The following CAMK1D variants were observed in gnomAD, a reference collection of about 807,000 sequenced individuals.
The protein encoded by CAMK1D is calcium/calmodulin dependent protein kinase ID.
CAMK1D carries 9 observed loss-of-function variants against 47.7 expected under a neutral mutation model. The ratio of observed to expected loss-of-function variants is 0.19; its 90% CI spans 0.11 to 0.33. CAMK1D has a LOEUF of 0.33. Ranked by LOEUF, CAMK1D falls within the 10% of genes least tolerant of loss-of-function variation. The pLI is 1.00. For missense variants in CAMK1D, 291 were observed against 488.7 expected (o/e 0.60, Z 3.81); for synonymous variants, 184 against 184.9 (o/e 0.99, Z 0.04).
At chr10:12,433,585 G>A (rs1832548298) in intron 1 of CAMK1D, among the ~76,000 whole-genome samples, 1 of 152,204 alleles carries the variant, frequency 6.6e-6, no homozygotes, top group African/African-American at 2.4e-5. Context: ...TTTGCCTCAT[G>A]TAAGGGGTCT....
chr10:12,817,730 A>C (rs1479805446), intron 8 of CAMK1D, among the ~76,000 whole-genome samples: 1 of 152,070 alleles, frequency 6.6e-6, no homozygotes, highest in African/African-American at 2.4e-5. Flanking sequence ...AGTCTCCGTC[A>C]CCCAGGCTGG....
At chr10:12,751,195 G>A (rs1835966991) in intron 3 of CAMK1D, among the ~76,000 whole-genome samples, 1 of 152,116 alleles carries the variant, frequency 6.6e-6, no homozygotes, top group Non-Finnish European at 1.5e-5. Flanking sequence ...GCTGCTTAAG[G>A]TCACCATACC....
intron 2 of CAMK1D, among the ~76,000 whole-genome samples, chr10:12,606,392 T>C (rs1431848857): frequency 6.6e-6 from 1 of 152,202 alleles, no homozygotes; most frequent in Non-Finnish European, 1.5e-5. Flanking sequence ...CCCATTTGGC[T>C]GAGCTGGTAC....
intron 1 of CAMK1D, among the ~76,000 whole-genome samples, chr10:12,355,066 C>T (rs755658130): frequency 2.6e-5 from 4 of 151,710 alleles, no homozygotes; most frequent in Non-Finnish European, 4.4e-5. Context: ...TGGTCTCAAA[C>T]TCCTGGCCTC....
chr10:12,740,819 C>T (rs1475641729), intron 3 of CAMK1D, among the ~76,000 whole-genome samples: 1 of 152,086 alleles, frequency 6.6e-6, no homozygotes, highest in African/African-American at 2.4e-5. Flanking sequence ...CTGAGTTGAA[C>T]CTAGCATAAC....
At chr10:12,466,191 A>T (rs1833584223) in intron 1 of CAMK1D, among the ~76,000 whole-genome samples, 1 of 152,042 alleles carries the variant, frequency 6.6e-6, no homozygotes. Context: ...GCAGATCACG[A>T]GGTCAGGAGA....
chr10:12,526,897 CA>C (rs202209844), intron 1 of CAMK1D, among the ~76,000 whole-genome samples: 21 of 129,776 alleles, frequency 1.6e-4, no homozygotes, highest in Admixed American at 2.3e-4. Flanking sequence ...AACCCTATCT[CA>C]AAAAAAAAAA....
intron 3 of CAMK1D, among the ~76,000 whole-genome samples, chr10:12,724,032 A>G (rs1405367218): frequency 6.6e-6 from 1 of 152,168 alleles, no homozygotes; most frequent in Non-Finnish European, 1.5e-5. Flanking sequence ...TCTGTCGCAC[A>G]GGCTGGAGTG....
intron 2 of CAMK1D, among the ~76,000 whole-genome samples, chr10:12,576,461 T>TA (rs1444800315): frequency 3.3e-5 from 5 of 152,144 alleles, no homozygotes; most frequent in Admixed American, 6.5e-5. Flanking sequence ...TGTACTTTAT[T>TA]TTTATTATTA....
At chr10:12,464,852 A>G (rs1267703273) in intron 1 of CAMK1D, among the ~76,000 whole-genome samples, 2 of 152,084 alleles carry the variant, frequency 1.3e-5, no homozygotes, top group Non-Finnish European at 2.9e-5. Context: ...ATTCATCCCA[A>G]ATGTATTTTG....
intron 2 of CAMK1D, among the ~76,000 whole-genome samples, chr10:12,602,339 G>A (rs1283279082): frequency 1.3e-5 from 2 of 152,116 alleles, no homozygotes; most frequent in African/African-American, 4.8e-5. Context: ...GTGCTGGGAT[G>A]ACAAGTGTGA....
intron 2 of CAMK1D, among the ~76,000 whole-genome samples, chr10:12,627,228 C>G (rs1342265240): frequency 1.3e-5 from 2 of 151,848 alleles, no homozygotes; most frequent in African/African-American, 2.4e-5. Context: ...ACTACAGGTG[C>G]CTGCCACCAC....
rs1449132540 is a variant in CAMK1D at position 12,832,170 on chromosome 10, G to C, written c.*3283G>C. On this transcript the variant is annotated 3_prime_UTR_variant, in exon 11 of 11. Transcript: ENST00000619168. ...GGAGTGGCCTTTCCCTCAGCTGCCT[G>C]TCTGGGCTCCCTGGCTTCCCGGATC... 13 of 152,524 alleles carry C rather than the reference G, an allele frequency of 8.5e-5. No individual in the cohort carries two copies. Among genetic ancestry groups the C allele is most frequent in the Admixed American group, 8.5e-4 (13 of 15,284 alleles). The allele number at this position is 152,524 out of a possible 1,614,324, so 9.4% of individuals were successfully genotyped here. A position where few individuals can be genotyped will look rare whatever the true frequency, so the allele number is the denominator to read the frequency against.
intron 3 of CAMK1D, among the ~76,000 whole-genome samples, chr10:12,713,426 A>T (rs1433536792): frequency 6.6e-6 from 1 of 152,136 alleles, no homozygotes; most frequent in South Asian, 2.1e-4. Context: ...GCTCCCACGA[A>T]TTCCAGGGGT....
rs370427569 is a variant in CAMK1D, at chr10:12,365,469, C to T, written c.92+15559C>T. On this transcript the variant is annotated intron_variant, in intron 1 of 10. Transcript: ENST00000619168. ...TTGTTTTTGTTTTGATACAGTGTCT[C>T]GCTCTGTCGCCCAGGCTGGAGTGCA... Among the ~76,000 whole-genome samples the T allele has an allele frequency of 9.2e-5, 14 of 152,018 alleles. No homozygotes were observed. In the East Asian group the frequency reaches 1.2e-3, roughly 13 times the overall value.
intron 2 of CAMK1D, among the ~76,000 whole-genome samples, chr10:12,553,952 C>T (rs1012445965): frequency 1.3e-5 from 2 of 152,234 alleles, no homozygotes; most frequent in Non-Finnish European, 2.9e-5. Flanking sequence ...TACTTCCACA[C>T]GTTCCGATGG....
At chr10:12,719,315 G>A (rs1347985657) in intron 3 of CAMK1D, among the ~76,000 whole-genome samples, 2 of 152,026 alleles carry the variant, frequency 1.3e-5, no homozygotes, top group African/African-American at 4.8e-5. Flanking sequence ...GCTGAGGCAG[G>A]AGGATCACTT....
intron 1 of CAMK1D, among the ~76,000 whole-genome samples, chr10:12,549,489 G>A (rs1836509501): frequency 1.3e-5 from 2 of 152,202 alleles, no homozygotes; most frequent in African/African-American, 4.8e-5. Flanking sequence ...CGTGGCTGTT[G>A]TGAATAATGC....
chr10:12,824,645 C>T, intron 9 of CAMK1D, 93 bp downstream of exon 9: 1 of 1,025,530 alleles, frequency 9.8e-7, no homozygotes, highest in Non-Finnish European at 1.5e-6. Flanking sequence ...CAGAACCTCA[C>T]CTGAATAATT....
Sources: allele counts gnomAD v4.1 joint callset (sites outside exome capture counted in the v4.1 genomes callset), GRCh38; gene constraint gnomAD v4.1.1; transcripts MANE v1.5; gene names NCBI Gene and HGNC (gene_info 2026-07-23, HGNC 2026-07-21).